FAT3: variants seen among roughly 807,000 people sequenced by gnomAD.
FAT3 encodes the protein protocadherin Fat 3.
A neutral mutation model predicts 310.2 loss-of-function variants in FAT3; 95 were observed. That is an observed-to-expected ratio of 0.31 (90% CI 0.26 to 0.36). The LOEUF (loss-of-function observed/expected upper bound fraction) is 0.36, where lower values mean the gene tolerates loss of function less well. Among genes scored for constraint, FAT3 ranks in the 10% least tolerant of loss-of-function variants. FAT3 has a pLI of 1.00. For synonymous variants in FAT3, 2,314 were observed against 2,192.9 expected (o/e 1.06, Z -1.54); for missense variants, 5,408 against 5,715.6 (o/e 0.95, Z 1.74).
At chr11:92,780,893 A>G (rs1296132249) in intron 7 of FAT3, among the ~76,000 whole-genome samples, 1 of 152,116 alleles carries the variant, frequency 6.6e-6, no homozygotes, top group Non-Finnish European at 1.5e-5. Flanking sequence ...GAATTTTAGC[A>G]CCTTTCCCCA....
At chr11:92,600,186 C>G (rs1188864829) in intron 3 of FAT3, among the ~76,000 whole-genome samples, 1 of 152,174 alleles carries the variant, frequency 6.6e-6, no homozygotes, top group Non-Finnish European at 1.5e-5. Flanking sequence ...TTCTGGCACT[C>G]CCATGCAATC....
chr11:92,507,753 CTA>C (rs776351117), intron 2 of FAT3, among the ~76,000 whole-genome samples: 6 of 149,756 alleles, frequency 4.0e-5, no homozygotes, highest in Admixed American at 1.3e-4. Context: ...CATACACACC[CTA>C]TATATATACA....
intron 1 of FAT3, among the ~76,000 whole-genome samples, chr11:92,283,526 G>T (rs1946482554): frequency 6.6e-6 from 1 of 152,166 alleles, no homozygotes; most frequent in Non-Finnish European, 1.5e-5. Flanking sequence ...TAGCAGCTCA[G>T]TGAATGCCCA....
chr11:92,395,732 C>A (rs187330710), intron 2 of FAT3, among the ~76,000 whole-genome samples: 3 of 152,166 alleles, frequency 2.0e-5, no homozygotes, highest in Admixed American at 1.3e-4. Flanking sequence ...GAGGCTGCAA[C>A]CACACCTGAC....
intron 3 of FAT3, among the ~76,000 whole-genome samples, chr11:92,609,840 G>A (rs962196777): frequency 6.6e-6 from 1 of 152,008 alleles, no homozygotes; most frequent in Non-Finnish European, 1.5e-5. Flanking sequence ...AGCATTTTGT[G>A]GAGTTCAGAC....
chr11:92,620,220 T>C (rs1410740708), intron 3 of FAT3, among the ~76,000 whole-genome samples: 1 of 152,236 alleles, frequency 6.6e-6, no homozygotes, highest in Non-Finnish European at 1.5e-5. Flanking sequence ...GAACACACTC[T>C]GTATAATTCC....
At chr11:92,595,943 T>G (rs996354224) in intron 3 of FAT3, among the ~76,000 whole-genome samples, 3 of 152,186 alleles carry the variant, frequency 2.0e-5, no homozygotes. Context: ...TTTTCTTGAC[T>G]AACCTGGAAC....
At position 92,383,150 on chromosome 11, in the gene FAT3, C is replaced by T. The variant is rs188175647; in HGVS notation, c.3292+27746C>T. 2.0e-5 allele frequency among the ~76,000 whole-genome samples: 3 copies of T among 152,234 alleles called. No homozygotes were observed. In the East Asian group the frequency reaches 5.8e-4, roughly 29 times the overall value. On this transcript the variant is annotated intron_variant, in intron 2 of 27. Transcript: ENST00000525166. ...AATGGCTTCTAACTCCATTGATGTC[C>T]CTGCACAGGACATGATCTCGTTCCA... is the stretch of plus-strand genomic sequence containing the variant.
At chr11:92,750,701 T>C (rs1029229096) in intron 4 of FAT3, among the ~76,000 whole-genome samples, 2 of 152,162 alleles carry the variant, frequency 1.3e-5, no homozygotes, top group Non-Finnish European at 2.9e-5. Context: ...TAATACTGGC[T>C]TGGTAGCATG....
intron 7 of FAT3, among the ~76,000 whole-genome samples, chr11:92,780,528 G>A (rs1946719474): frequency 6.6e-6 from 1 of 152,292 alleles, no homozygotes; most frequent in Admixed American, 6.5e-5. Context: ...CCGTTTTACA[G>A]ATAAGGAAAG....
intron 3 of FAT3, among the ~76,000 whole-genome samples, chr11:92,598,948 C>T (rs540655295): frequency 6.6e-6 from 1 of 152,178 alleles, no homozygotes; most frequent in Admixed American, 6.5e-5. Flanking sequence ...CAGCTCCTCT[C>T]ATAATCGTTT....
chr11:92,890,641 T>A lies in FAT3; in HGVS notation c.13298T>A (p.Ile4433Asn), dbSNP rs1949896686. 1 of 1,613,688 alleles carries A rather than the reference T, an allele frequency of 6.2e-7. No individual in the cohort carries two copies. Among genetic ancestry groups the A allele is most frequent in the Non-Finnish European group, 8.5e-7 (1 of 1,179,842 alleles). Residue 4433 changes from isoleucine to asparagine, a missense_variant, in exon 28 of 28, where the codon ATT (isoleucine) becomes AAT (asparagine). By Grantham distance (149) the Ile-to-Asn change is moderately radical (BLOSUM62 -3). Around this residue, in one of 5 missense-constraint regions of FAT3, gnomAD observed 649 missense variants for 666.2 expected, o/e 0.97. Coordinates refer to ENST00000525166, the MANE Select transcript of FAT3 (RefSeq NM_001367949.2). ...GATTACTACCTGGGTGGTTATGACA[T>A]TGACAGTGAATACCCACCCCCTCAT... The part of the protein sequence containing the change: ...ESDYYLGGYD[I>N]DSEYPPPHEE...
chr11:92,593,480 A>G (rs1233835673), intron 3 of FAT3, among the ~76,000 whole-genome samples: 1 of 151,542 alleles, frequency 6.6e-6, no homozygotes, highest in East Asian at 2.0e-4. Context: ...AATGAATGTG[A>G]GGTGGTCTAA....
At chr11:92,591,247 T>C (rs1446562016) in intron 3 of FAT3, among the ~76,000 whole-genome samples, 1 of 152,142 alleles carries the variant, frequency 6.6e-6, no homozygotes, top group Non-Finnish European at 1.5e-5. Context: ...CCTCTTAGGC[T>C]GAAGTTTAAT....
At chr11:92,621,434 C>A (rs955406354) in intron 3 of FAT3, among the ~76,000 whole-genome samples, 5 of 152,312 alleles carry the variant, frequency 3.3e-5, no homozygotes, top group Non-Finnish European at 7.3e-5. Context: ...TATTTCATCC[C>A]CAGCTCCTCC....
intron 2 of FAT3, among the ~76,000 whole-genome samples, chr11:92,455,927 C>T (rs1664852719): frequency 6.6e-6 from 1 of 152,118 alleles, no homozygotes; most frequent in Non-Finnish European, 1.5e-5. Flanking sequence ...TACTCTAGTT[C>T]AGCTTTCCAT....
In FAT3 at chr11:92,878,662, AAAAAAG is replaced by A. The variant is rs1410420453; in HGVS notation, c.12128-2068_12128-2063del. 3.8e-3 allele frequency among the ~76,000 whole-genome samples: 290 copies of A among 75,368 alleles called. 44 individuals carry two copies. Among genetic ancestry groups the A allele is most frequent in the African/African-American group, 0.023 (254 of 10,894 alleles). 49.4% of individuals were successfully genotyped at this position (75,368 alleles called of 152,430 possible). A position where few individuals can be genotyped will look rare whatever the true frequency, so the allele number is the denominator to read the frequency against. ...AAAAAAAAAAAAAAAAAAAAAAAAAAAAAAAGCTCCGCACAAAAAAAGTTCTTGGAA... is the reference window on the plus strand; with the variant it reads ...AAAAAAAAAAAAAAAAAAAAAAAAAACTCCGCACAAAAAAAGTTCTTGGAA... On this transcript the variant is annotated intron_variant, in intron 22 of 27. Coordinates refer to ENST00000525166, the MANE Select transcript of FAT3 (RefSeq NM_001367949.2).
At position 92,853,599 on chromosome 11, in the gene FAT3, G is replaced by A. The variant is rs572466729; in HGVS notation, c.11366-3615G>A. On this transcript the variant is annotated intron_variant, in intron 19 of 27. Transcript: ENST00000525166. ...ACACAGACAAGTGGAAGGTGAGCAA[G>A]GTGGAGAGGAGCTTCACTGAGTGAC... 8.8e-4 allele frequency among the ~76,000 whole-genome samples: 134 copies of A among 152,274 alleles called. 1 individual carries two copies. The highest frequency in any genetic ancestry group is 3.2e-3 in the African/African-American group (131 of 41,556).
intron 3 of FAT3, among the ~76,000 whole-genome samples, chr11:92,649,355 TTG>T (rs1318257141): frequency 6.6e-6 from 1 of 152,234 alleles, no homozygotes; most frequent in East Asian, 1.9e-4. Flanking sequence ...AAAGAATTGC[TTG>T]TACTTTATCT....
Sources: gnomAD v4.1 joint callset for allele counts (sites outside exome capture counted in the v4.1 genomes callset) on GRCh38, gnomAD v4.1.1 for gene constraint, gnomAD v4.1.1 regional missense constraint, MANE v1.5 for transcripts, NCBI Gene and HGNC (gene_info 2026-07-23, HGNC 2026-07-21) for gene names.